The following VPS13C variants were observed in gnomAD, a reference collection of about 807,000 sequenced individuals.
The protein encoded by VPS13C is vacuolar protein sorting 13 homolog C.
In VPS13C, 358 loss-of-function variants were observed where a neutral mutation model predicts 456.8. That is an observed-to-expected ratio of 0.78 (90% CI 0.72 to 0.86). The LOEUF is 0.86. VPS13C is among the 40% of genes least tolerant of loss of function. VPS13C has a pLI of 0.00. For missense variants in VPS13C, 4,818 were observed against 4,385.4 expected, an observed-to-expected ratio of 1.10 and a Z score of -2.79; for synonymous variants, 1,578 against 1,486.7, an observed-to-expected ratio of 1.06 and a Z score of -1.41.
chr15:61,867,826 T>C lies in VPS13C; in HGVS notation c.10863+833A>G. ...ATGGAGGTGAGAGTTTTAAAGAAAATTTCATTAAAATTGACAATGGAATTC... is the reference window on the plus strand; with the variant it reads ...ATGGAGGTGAGAGTTTTAAAGAAAACTTCATTAAAATTGACAATGGAATTC... On this transcript the variant is annotated intron_variant, in intron 81 of 84. Coordinates refer to ENST00000644861, the MANE Select transcript of VPS13C (RefSeq NM_020821.3). The surrounding 1 kb of genome is among the most constrained non-coding windows in gnomAD (Gnocchi z 5.0). 4.6e-6 allele frequency: 7 copies of C among 1,532,842 alleles called. No individual in the cohort carries two copies. Among genetic ancestry groups the C allele is most frequent in the Non-Finnish European group, 6.1e-6 (7 of 1,142,154 alleles). The allele number at this position is 1,532,842 out of a possible 1,614,324, so 95.0% of individuals were successfully genotyped here.
At chr15:61,878,481 T>C in intron 74 of VPS13C, 126 bp downstream of exon 74, 1 of 1,243,212 alleles carries the variant, frequency 8.0e-7, no homozygotes, top group South Asian at 1.6e-5. Context: ...ATGAACCAAA[T>C]TCTCCAAATA....
At chr15:61,855,082 A>G (rs965325373) in intron 83 of VPS13C, 128 bp from the exon 84 acceptor site, 21 of 679,326 alleles carry the variant, frequency 3.1e-5, no homozygotes, top group African/African-American at 2.0e-4. Context: ...ACACATATTC[A>G]AGTAAGATAT....
Position 61,962,499 on chromosome 15 carries a change from A to T in VPS13C, c.3475T>A (p.Leu1159Met), listed in dbSNP as rs749469232. ...TCAGTAGCATCTGGATACAAATCCAAATTAAAACGGAAAACTTCATTTCCC... is the reference window on the plus strand; with the variant it reads ...TCAGTAGCATCTGGATACAAATCCATATTAAAACGGAAAACTTCATTTCCC... ...IMGNEVFRFN[L>M]DLYPDATEGD... The change falls in exon 34 of 85, where the codon TTG (leucine) becomes ATG (methionine). Residue 1159 changes from leucine (L) to methionine (M), a missense_variant. Physicochemically the swap from Leu to Met is conservative, Grantham distance 15 (BLOSUM62 2). This residue lies in a region of VPS13C where 4,552 missense variants were observed against 4,130.6 expected (regional missense o/e 1.10). Coordinates refer to ENST00000644861, the MANE Select transcript of VPS13C (RefSeq NM_020821.3). 3.1e-6 allele frequency: 5 copies of T among 1,610,562 alleles called. No homozygotes were observed. The South Asian group carries it at 5.5e-5, about 18-fold the overall frequency.
At chr15:61,922,078 AT>A in intron 54 of VPS13C, 45 bp from the exon 55 acceptor site, 1 of 1,583,248 alleles carries the variant, frequency 6.3e-7, no homozygotes, top group Admixed American at 1.7e-5. Flanking sequence ...TTTGGCTTTA[AT>A]TACATATTTC....
intron 8 of VPS13C, 45 bp from the exon 9 acceptor site, chr15:62,020,583 G>A (rs1314997658): frequency 8.2e-6 from 13 of 1,584,498 alleles, no homozygotes; most frequent in South Asian, 1.1e-5. Flanking sequence ...TGATGGTGAA[G>A]GCGAATCCAT....
At chr15:61,942,684 C>T (rs545259118) in intron 45 of VPS13C, among the ~76,000 whole-genome samples, 1 of 151,756 alleles carries the variant, frequency 6.6e-6, no homozygotes, top group Non-Finnish European at 1.5e-5. Flanking sequence ...AAAAATCTTT[C>T]CCAATGAGGA....
rs2140289424 is a variant in VPS13C, at chr15:61,950,942, T to C, written c.4536+3A>G. On this transcript the variant is annotated splice_donor_region_variant and intron_variant, in intron 40 of 84. Coordinates refer to ENST00000644861, the MANE Select transcript of VPS13C (RefSeq NM_020821.3). ...AAAGAATCCTAGAAATGAAACTAGT[T>C]ACCTTTGTCAGTAACATTTTCAGAA... 1 of 1,579,430 alleles carries C rather than the reference T, an allele frequency of 6.3e-7. No individual in the cohort carries two copies. Among genetic ancestry groups the C allele is most frequent in the East Asian group, 2.2e-5 (1 of 44,494 alleles).
intron 1 of VPS13C, among the ~76,000 whole-genome samples, chr15:62,047,985 TCA>T (rs1265973283): frequency 6.6e-6 from 1 of 151,304 alleles, no homozygotes; most frequent in African/African-American, 2.4e-5. Flanking sequence ...TATAGCCAGA[TCA>T]CCAGGGCTAA....
intron 81 of VPS13C, chr15:61,866,103 A>T (rs1894570558): frequency 1.0e-6 from 1 of 984,784 alleles, no homozygotes; most frequent in Admixed American, 6.2e-5. Context: ...ATAATCAATA[A>T]ATATTTTTAC....
intron 9 of VPS13C, among the ~76,000 whole-genome samples, chr15:62,019,018 G>C (rs888314611): frequency 1.3e-5 from 2 of 152,168 alleles, no homozygotes; most frequent in Non-Finnish European, 2.9e-5. Flanking sequence ...AGTCTTGGGA[G>C]GGTGTATGTG....
rs146283617 is a variant in VPS13C, at chr15:61,882,520, T to C, written c.9624+76A>G. 3.9e-3 allele frequency: 5,224 copies of C among 1,336,846 alleles called. 19 individuals are homozygous for C. Among genetic ancestry groups the C allele is most frequent in the Middle Eastern group, 8.8e-3 (32 of 3,656 alleles). 82.8% of individuals were successfully genotyped at this position (1,336,846 alleles called of 1,614,324 possible). On this transcript the variant is annotated intron_variant, in intron 69 of 84. Transcript: ENST00000644861. The stretch of plus-strand genomic sequence containing the variant: ...GATACCAATTACAATGTAAACTATA[T>C]AGTTGTAAAAAAGAAATTTCATTCC...
chr15:62,041,436 G>T, intron 2 of VPS13C, 70 bp from the exon 3 acceptor site: 3 of 1,443,042 alleles, frequency 2.1e-6, no homozygotes, highest in South Asian at 2.5e-5. Context: ...ACTTTTGTGT[G>T]ATCATTTAAA....
At chr15:61,883,966 G>T (rs28731221) in intron 68 of VPS13C, among the ~76,000 whole-genome samples, 162 bp downstream of exon 68, 2 of 151,112 alleles carry the variant, frequency 1.3e-5, no homozygotes, top group African/African-American at 4.9e-5. Context: ...ATATACTAAC[G>T]TGTATCATTA....
chr15:61,905,706 A>G (rs2043135354), intron 66 of VPS13C, among the ~76,000 whole-genome samples: 1 of 151,920 alleles, frequency 6.6e-6, no homozygotes, highest in African/African-American at 2.4e-5. Context: ...ACTTATTTTC[A>G]TTTTCTCATT....
intron 44 of VPS13C, 102 bp from the exon 45 acceptor site, chr15:61,945,984 G>A (rs952054724): frequency 6.0e-6 from 6 of 1,001,266 alleles, no homozygotes; most frequent in Non-Finnish European, 6.9e-6. Context: ...TTGATAAGTA[G>A]AAATATATGA....
At chr15:61,972,898 C>T (rs534308742) in intron 26 of VPS13C, 134 bp from the exon 27 acceptor site, 193 of 964,068 alleles carry the variant, frequency 2.0e-4, no homozygotes, top group Non-Finnish European at 2.6e-4. Context: ...AGAATAGCTG[C>T]CTTTTTTAAA....
Position 61,869,786 on chromosome 15 carries a change from G to A in VPS13C, c.10625-163C>T, listed in dbSNP as rs140565758. 2.5e-4 allele frequency among the ~76,000 whole-genome samples: 38 copies of A among 152,290 alleles called. 1 individual carries two copies. The East Asian group carries it at 6.9e-3, about 28-fold the overall frequency. ...GTAATCCTAATGTGATAAAATAGTG[G>A]TTTCTCAAAGTGTGTTAGAAATGCG... On this transcript the variant is annotated intron_variant, in intron 79 of 84. Coordinates refer to ENST00000644861, the MANE Select transcript of VPS13C (RefSeq NM_020821.3).
chr15:61,982,409 CA>C lies in VPS13C; in HGVS notation c.2029+49del, dbSNP rs755711172. ...AATACAATGTTTACATTAGAGTAGG[CA>C]AAATTTTTAAGCTTAGCTGATGCTT... On this transcript the variant is annotated intron_variant, in intron 21 of 84. Coordinates refer to ENST00000644861, the MANE Select transcript of VPS13C (RefSeq NM_020821.3). The C allele has an allele frequency of 1.1e-5, 16 of 1,454,840 alleles. No homozygotes were observed. In the South Asian group the frequency reaches 1.7e-4, roughly 15 times the overall value. The allele number at this position is 1,454,840 out of a possible 1,614,324, so 90.1% of individuals were successfully genotyped here.
intron 30 of VPS13C, 105 bp downstream of exon 30, chr15:61,965,978 G>T: frequency 1.4e-6 from 1 of 714,912 alleles, no homozygotes; most frequent in Non-Finnish European, 2.2e-6. Flanking sequence ...ATTGGTCCTT[G>T]ATTATGTCAT....
Sources: allele counts gnomAD v4.1 joint callset (sites outside exome capture counted in the v4.1 genomes callset), GRCh38; gene constraint gnomAD v4.1.1; regional missense constraint gnomAD v4.1.1; non-coding constraint Gnocchi (gnomAD v3.1); transcripts MANE v1.5; gene names NCBI Gene and HGNC (gene_info 2026-07-23, HGNC 2026-07-21).